PRTFDC1: variants seen among roughly 807,000 people sequenced by gnomAD.
PRTFDC1 encodes the protein phosphoribosyltransferase domain-containing protein 1.
In PRTFDC1, 38 loss-of-function variants were observed where a neutral mutation model predicts 34.6. The observed-to-expected ratio is 1.10, with a 90% CI of 0.85 to 1.44. The LOEUF (loss-of-function observed/expected upper bound fraction) is 1.44, where lower values mean the gene tolerates loss of function less well. Ranked by LOEUF, PRTFDC1 falls within the 40% of genes most tolerant of loss-of-function variation. The pLI is 0.00. For missense variants in PRTFDC1, 270 were observed against 283.0 expected (o/e 0.95, Z 0.33); for synonymous variants, 93 against 98.1 (o/e 0.95, Z 0.31).
chr10:24,907,542 G>A (rs1046213709), intron 3 of PRTFDC1, among the ~76,000 whole-genome samples: 33 of 152,230 alleles, frequency 2.2e-4, no homozygotes, highest in African/African-American at 6.8e-4. Context: ...GTTGCAGTAA[G>A]CTGAGATCAC....
At chr10:24,884,587 GC>G (rs1297066238) in intron 3 of PRTFDC1, among the ~76,000 whole-genome samples, 1 of 152,170 alleles carries the variant, frequency 6.6e-6, no homozygotes, top group Non-Finnish European at 1.5e-5. Flanking sequence ...ATTTATTGTT[GC>G]TGTTTTTCTT....
At chr10:24,922,056 T>C (rs1848799620) in intron 3 of PRTFDC1, among the ~76,000 whole-genome samples, 1 of 152,234 alleles carries the variant, frequency 6.6e-6, no homozygotes, top group Admixed American at 6.5e-5. Flanking sequence ...TGTTGCTTTT[T>C]CCCACCAAAT....
chr10:24,934,767 C>T (rs980734618), intron 3 of PRTFDC1, among the ~76,000 whole-genome samples: 2 of 152,124 alleles, frequency 1.3e-5, no homozygotes, highest in Non-Finnish European at 1.5e-5. Flanking sequence ...TGTATAAAAC[C>T]AAGTTGTGTC....
intron 4 of PRTFDC1, among the ~76,000 whole-genome samples, chr10:24,869,232 C>G (rs72780347): frequency 1.3e-5 from 2 of 150,892 alleles, no homozygotes; most frequent in African/African-American, 4.9e-5. Context: ...TTTTTTTTAA[C>G]CTTACTCATA....
At chr10:24,853,614 A>AATG (rs1299138506) in intron 7 of PRTFDC1, among the ~76,000 whole-genome samples, 1 of 152,076 alleles carries the variant, frequency 6.6e-6, no homozygotes, top group Non-Finnish European at 1.5e-5. Flanking sequence ...TAATAATAAT[A>AATG]ATAATATGAG....
At chr10:24,920,317 G>GTA (rs143760625) in intron 3 of PRTFDC1, among the ~76,000 whole-genome samples, 8,212 of 150,250 alleles carry the variant, frequency 0.055, 640 homozygotes, top group African/African-American at 0.17. Flanking sequence ...ATATGTGTGT[G>GTA]TATATATATA....
In PRTFDC1 at chr10:24,929,052, A is replaced by AAAAAAAG. The variant is rs1554765607; in HGVS notation, c.339+8131_339+8132insCTTTTTT. Among the ~76,000 whole-genome samples, 261 of 116,528 alleles carry AAAAAAAG rather than the reference A, an allele frequency of 2.2e-3. 3 individuals carry two copies. The highest frequency in any genetic ancestry group is 3.6e-3 in the African/African-American group (106 of 29,806). 76.4% of individuals were successfully genotyped at this position (116,528 alleles called of 152,430 possible). Reference sequence around the variant, plus strand: ...GCAGACTCCGTCTCAAAAAAAAAAAAAAAGAAAGAAAGAAAGAAAGAAAGG... The same window carrying AAAAAAAG: ...GCAGACTCCGTCTCAAAAAAAAAAAAAAAAAAGAAAGAAAGAAAGAAAGAAAGAAAGG... On this transcript the variant is annotated intron_variant, in intron 3 of 8. Transcript: ENST00000320152.
chr10:24,947,439 A>G (rs998909833), intron 1 of PRTFDC1, among the ~76,000 whole-genome samples: 1 of 152,180 alleles, frequency 6.6e-6, no homozygotes, highest in African/African-American at 2.4e-5. Context: ...TTTCAGTATC[A>G]CAGATAATAT....
chr10:24,930,304 G>A (rs1848951256), intron 3 of PRTFDC1, among the ~76,000 whole-genome samples: 1 of 152,106 alleles, frequency 6.6e-6, no homozygotes. Context: ...TATCTCCATG[G>A]TGCAGGGCAG....
At chr10:24,903,610 C>T (rs1453598238) in intron 3 of PRTFDC1, among the ~76,000 whole-genome samples, 1 of 152,116 alleles carries the variant, frequency 6.6e-6, no homozygotes, top group Non-Finnish European at 1.5e-5. Flanking sequence ...AGAGGTCTCA[C>T]AGCTGGCTTG....
rs1037651986 is a variant in PRTFDC1, at chr10:24,904,677, T to C, written c.339+32507A>G. ...GAATACATCTGAACTTCTAGGGATC[T>C]CTAAGAATCCTGGAAAAGAGACTAA... On this transcript the variant is annotated intron_variant, in intron 3 of 8. Coordinates refer to ENST00000320152, the MANE Select transcript of PRTFDC1 (RefSeq NM_020200.7). 3.3e-5 allele frequency among the ~76,000 whole-genome samples: 5 copies of C among 152,184 alleles called. No homozygotes were observed. The South Asian group carries it at 1.0e-3, about 31-fold the overall frequency.
chr10:24,879,346 ATT>A (rs137986803), intron 3 of PRTFDC1, among the ~76,000 whole-genome samples: 4 of 143,414 alleles, frequency 2.8e-5, no homozygotes, highest in Non-Finnish European at 3.1e-5. Flanking sequence ...GTATTTGCTG[ATT>A]TTTTTTTTTT....
intron 7 of PRTFDC1, among the ~76,000 whole-genome samples, chr10:24,853,116 C>A (rs1267411445): frequency 6.6e-6 from 1 of 151,830 alleles, no homozygotes; most frequent in African/African-American, 2.4e-5. Context: ...AAGAAAGAAT[C>A]AATCAGGAGA....
At chr10:24,889,778 A>T (rs2132537235) in intron 3 of PRTFDC1, among the ~76,000 whole-genome samples, 1 of 152,310 alleles carries the variant, frequency 6.6e-6, no homozygotes, top group Non-Finnish European at 1.5e-5. Context: ...TGATGTAGGC[A>T]TGTTGATTGG....
chr10:24,850,337 AAAAGG>A (rs1847462629), intron 8 of PRTFDC1, among the ~76,000 whole-genome samples: 1 of 152,170 alleles, frequency 6.6e-6, no homozygotes, highest in Admixed American at 6.6e-5. Context: ...ATGTAAGCAA[AAAAGG>A]AGGATTTGGA....
At chr10:24,940,107 A>G (rs1849130255) in intron 2 of PRTFDC1, among the ~76,000 whole-genome samples, 1 of 152,182 alleles carries the variant, frequency 6.6e-6, no homozygotes, top group Non-Finnish European at 1.5e-5. Context: ...CTATTTGGAG[A>G]CTTTAACATC....
In PRTFDC1 at chr10:24,903,243, G is replaced by A. The variant is rs111493910; in HGVS notation, c.340-31180C>T. Among the ~76,000 whole-genome samples, 785 of 152,234 alleles carry A rather than the reference G, an allele frequency of 5.2e-3. 10 individuals carry two copies. The highest frequency in any genetic ancestry group is 0.018 in the African/African-American group (754 of 41,532). ...TAAGAAAAAAGAAAATATAGGGATT[G>A]TTGTGAGAAAACATGTTTGCACCTT... On this transcript the variant is annotated intron_variant, in intron 3 of 8. Coordinates refer to ENST00000320152, the MANE Select transcript of PRTFDC1 (RefSeq NM_020200.7).
At chr10:24,880,813 C>CTCTTTCTTTCTTTCTTTCTTTCTT (rs34113964) in intron 3 of PRTFDC1, among the ~76,000 whole-genome samples, 8 of 115,016 alleles carry the variant, frequency 7.0e-5, no homozygotes, top group East Asian at 2.7e-4. Context: ...TACTGTCTTT[C>CTCTTTCTTTCTTTCTTTCTTTCTT]TCTTTCTTTC....
rs1044100784 is a variant in PRTFDC1, at chr10:24,891,366, G to A, written c.340-19303C>T. Among the ~76,000 whole-genome samples, 34 of 152,078 alleles carry A rather than the reference G, an allele frequency of 2.2e-4. 1 individual carries two copies. The highest frequency in any genetic ancestry group is 2.0e-4 in the Admixed American group (3 of 15,254). ...AAAACCTTGCTTTTTAATTTTAAAT[G>A]ATTTGAAGGGAATGACTTTTATTGC... On this transcript the variant is annotated intron_variant, in intron 3 of 8. Transcript: ENST00000320152.
Sources: gnomAD v4.1 joint callset for allele counts (sites outside exome capture counted in the v4.1 genomes callset) on GRCh38, gnomAD v4.1.1 for gene constraint, MANE v1.5 for transcripts, NCBI Gene and HGNC (gene_info 2026-07-23, HGNC 2026-07-21) for gene names.